ORC5: variants seen among roughly 807,000 people sequenced by gnomAD.
ORC5 encodes origin recognition complex subunit 5.
A neutral mutation model predicts 58.8 loss-of-function variants in ORC5; 39 were observed. That is an observed-to-expected ratio of 0.66 (90% confidence interval 0.51 to 0.87). The LOEUF (loss-of-function observed/expected upper bound fraction) is 0.87, where lower values mean the gene tolerates loss of function less well. ORC5 is among the 40% of genes least tolerant of loss of function. The pLI is 0.00. For synonymous variants in ORC5, 218 were observed against 177.6 expected, an observed-to-expected ratio of 1.23 and a Z score of -1.81; for missense variants, 493 against 506.3, an observed-to-expected ratio of 0.97 and a Z score of 0.25.
At chr7:104,205,524 G>A (rs1800058207) in intron 1 of ORC5, among the ~76,000 whole-genome samples, 1 of 152,102 alleles carries the variant, frequency 6.6e-6, no homozygotes, top group Non-Finnish European at 1.5e-5. Flanking sequence ...AAGTCACTAA[G>A]TTAAACATTT....
rs200055164 is a variant in ORC5, at chr7:104,138,525, T to TA, written c.1150-1633_1150-1632insT. ...TCCTTCTTTTCTTTCTTTTTTTTTT[T>TA]CTGAGGCAGGGTCTCACTCCATTAT... On this transcript the variant is annotated intron_variant, in intron 12 of 13. Transcript: ENST00000297431. This position sits in a 1 kb window ranked among gnomAD's most constrained non-coding sequence, Gnocchi z 4.7. Among the ~76,000 whole-genome samples, 1,682 of 152,088 alleles carry TA rather than the reference T, an allele frequency of 0.011. 28 individuals are homozygous for TA. Among genetic ancestry groups the TA allele is most frequent in the African/African-American group, 0.038 (1,591 of 41,488 alleles).
intron 12 of ORC5, among the ~76,000 whole-genome samples, chr7:104,142,958 A>G (rs143355428): frequency 1.3e-5 from 2 of 152,338 alleles, no homozygotes; most frequent in Admixed American, 1.3e-4. Context: ...GTAGAAATCT[A>G]TAATGACAGT....
intron 5 of ORC5, among the ~76,000 whole-genome samples, chr7:104,193,840 A>G (rs1003164632): frequency 6.6e-6 from 1 of 151,764 alleles, no homozygotes; most frequent in African/African-American, 2.4e-5. Context: ...TAAAATTAGT[A>G]AGACCATTTT....
intron 12 of ORC5, among the ~76,000 whole-genome samples, chr7:104,145,233 G>C (rs1192072532): frequency 6.6e-6 from 1 of 152,214 alleles, no homozygotes; most frequent in Non-Finnish European, 1.5e-5. Flanking sequence ...CTATGGCTAA[G>C]TATATTAACT....
At position 104,188,347 on chromosome 7, in the gene ORC5, A is replaced by G; in HGVS notation, c.588T>C (p.Pro196=). 6.2e-7 allele frequency: 1 copy of G among 1,610,700 alleles called. No homozygotes were observed. The highest frequency in any genetic ancestry group is 8.5e-7 in the Non-Finnish European group (1 of 1,177,116). ...NLQKILSHDH[P]PEYSADFYAA... is the part of the protein sequence containing the mutation. Reference sequence around the variant, plus strand: ...CATAGAAATCAGCTGAATACTCTGGAGGATGATCATGGGACAGGATCTTTT... The same window carrying G: ...CATAGAAATCAGCTGAATACTCTGGGGGATGATCATGGGACAGGATCTTTT... Residue 196 remains proline (P), a synonymous_variant, in exon 6 of 14, where the codon CCT becomes CCC. Transcript: ENST00000297431.
intron 13 of ORC5, among the ~76,000 whole-genome samples, chr7:104,127,983 C>G (rs973551678): frequency 6.6e-6 from 1 of 152,066 alleles, no homozygotes; most frequent in Non-Finnish European, 1.5e-5. Flanking sequence ...TACTGCAGAA[C>G]TAAAAAGTTT....
intron 11 of ORC5, among the ~76,000 whole-genome samples, chr7:104,163,975 C>G (rs1262255408): frequency 1.3e-5 from 2 of 152,162 alleles, no homozygotes; most frequent in African/African-American, 4.8e-5. Context: ...TGAAATATCT[C>G]ACTGTTGTTT....
rs1798432921 is a variant in ORC5, at chr7:104,126,609, C to T, written c.*239G>A. 2 of 446,562 alleles carry T rather than the reference C, an allele frequency of 4.5e-6. No homozygotes were observed. Among genetic ancestry groups the T allele is most frequent in the Admixed American group, 8.5e-5 (2 of 23,468 alleles). The allele number at this position is 446,562 out of a possible 1,614,324, so 27.7% of individuals were successfully genotyped here. On this transcript the variant is annotated 3_prime_UTR_variant, in exon 14 of 14. Transcript: ENST00000297431. ...GAGTAGAACAGATTGTGCTCAAACC[C>T]TGCTGTTTATAATTAACACGTTGCT...
intron 3 of ORC5, among the ~76,000 whole-genome samples, chr7:104,200,054 A>G (rs1313823233): frequency 2.6e-5 from 4 of 152,040 alleles, no homozygotes; most frequent in Non-Finnish European, 5.9e-5. Flanking sequence ...CCTTCTGCTG[A>G]TTATAAGTTT....
rs1416108637 is a variant in ORC5 at position 104,129,982 on chromosome 7, T to C, written c.1263-3089A>G. The stretch of plus-strand genomic sequence containing the variant: ...CCTTTTATTTCATTTTGTTGATTCA[T>C]TAAAATACTTTTTCTTTCTTTAGGA... On this transcript the variant is annotated intron_variant, in intron 13 of 13. Transcript: ENST00000297431. This position sits in a 1 kb window ranked among gnomAD's most constrained non-coding sequence, Gnocchi z 4.9. 6.6e-6 allele frequency among the ~76,000 whole-genome samples: 1 copy of C among 152,220 alleles called. No individual in the cohort carries two copies. Among genetic ancestry groups the C allele is most frequent in the Non-Finnish European group, 1.5e-5 (1 of 68,038 alleles).
intron 3 of ORC5, 23 bp from the exon 4 acceptor site, chr7:104,197,822 A>C: frequency 6.9e-7 from 1 of 1,442,064 alleles, no homozygotes; most frequent in South Asian, 1.3e-5. Flanking sequence ...AAAAAACAAA[A>C]CAAAAAGAAA....
At chr7:104,166,106 G>C (rs912559473) in intron 10 of ORC5, among the ~76,000 whole-genome samples, 2 of 152,104 alleles carry the variant, frequency 1.3e-5, no homozygotes, top group Non-Finnish European at 2.9e-5. Flanking sequence ...ATAAATTGTT[G>C]TAAGTCCAAA....
intron 5 of ORC5, among the ~76,000 whole-genome samples, chr7:104,190,010 A>C (rs1329093539): frequency 6.6e-6 from 1 of 152,118 alleles, no homozygotes; most frequent in Non-Finnish European, 1.5e-5. Flanking sequence ...AAGTGAATTG[A>C]ATTTTAGGAC....
At chr7:104,141,993 T>G (rs1387320445) in intron 12 of ORC5, among the ~76,000 whole-genome samples, 1 of 152,086 alleles carries the variant, frequency 6.6e-6, no homozygotes, top group Non-Finnish European at 1.5e-5. Context: ...AAGTATATTA[T>G]TAATACAAAA....
At chr7:104,172,626 G>A (rs1182142453) in intron 8 of ORC5, among the ~76,000 whole-genome samples, 1 of 152,138 alleles carries the variant, frequency 6.6e-6, no homozygotes, top group Admixed American at 6.5e-5. Flanking sequence ...TTGTAATCTA[G>A]GCTTAATCTA....
intron 5 of ORC5, among the ~76,000 whole-genome samples, chr7:104,192,811 G>C (rs1380196290): frequency 6.7e-6 from 1 of 150,230 alleles, no homozygotes; most frequent in African/African-American, 2.5e-5. Flanking sequence ...AGCATAATGA[G>C]ATCAGTAATG....
In ORC5 at chr7:104,184,139, G is replaced by A. The variant is rs745710374; in HGVS notation, c.717C>T (p.Pro239=). 16 of 1,585,820 alleles carry A rather than the reference G, an allele frequency of 1.0e-5. No individual in the cohort carries two copies. Among genetic ancestry groups the A allele is most frequent in the East Asian group, 2.2e-5 (1 of 44,568 alleles). The change falls in exon 7 of 14, where the codon CCC becomes CCT. Residue 239 remains proline, a synonymous_variant. Transcript: ENST00000297431. ...AVLNFPKYCE[P]VVKGEASERD... ...CACAGTTACCTTCTCCTTTAACCAC[G>A]GGTTCACAATATTTAGGAAAATTAA...
chr7:104,191,781 G>A (rs10240040), intron 5 of ORC5, among the ~76,000 whole-genome samples: 15,503 of 151,822 alleles, frequency 0.1, 2,600 homozygotes, highest in African/African-American at 0.35. Context: ...AGTAAACAAA[G>A]GGTAGGAGAA....
chr7:104,190,819 C>T (rs1799657701), intron 5 of ORC5, among the ~76,000 whole-genome samples: 2 of 151,876 alleles, frequency 1.3e-5, no homozygotes, highest in Admixed American at 1.3e-4. Flanking sequence ...ATGTCAATTT[C>T]CTTTTGTTTA....
Sources: gnomAD v4.1 joint callset for allele counts (sites outside exome capture counted in the v4.1 genomes callset) on GRCh38, gnomAD v4.1.1 for gene constraint, Gnocchi (gnomAD v3.1) non-coding constraint, MANE v1.5 for transcripts, NCBI Gene and HGNC (gene_info 2026-07-23, HGNC 2026-07-21) for gene names.